Variants in LEO1 observed in about 807,000 individuals in gnomAD.
The protein encoded by LEO1 is LEO1 component of Paf1/RNA polymerase II complex.
LEO1 carries 34 observed loss-of-function variants against 80.4 expected under a neutral mutation model. That is an observed-to-expected ratio of 0.42 (90% confidence interval 0.32 to 0.56). The LOEUF (loss-of-function observed/expected upper bound fraction) is 0.56, where lower values mean the gene tolerates loss of function less well. LEO1 is among the 20% of genes least tolerant of loss of function. The pLI is 0.10. For missense variants in LEO1, 631 were observed against 814.2 expected (o/e 0.77, Z 2.74); for synonymous variants, 262 against 274.9 (o/e 0.95, Z 0.46).
intron 5 of LEO1, 51 bp from the exon 6 acceptor site, chr15:51,958,877 T>C: frequency 1.1e-6 from 1 of 921,690 alleles, no homozygotes. Flanking sequence ...TAAAGAATAT[T>C]ACTGCTATGT....
rs1414303704 is a variant in LEO1, at chr15:51,953,194, A to G, written c.1410T>C (p.His470=). The change falls in exon 8 of 12, where the codon CAT becomes CAC. Residue 470 remains histidine, a synonymous_variant. Coordinates refer to ENST00000299601, the MANE Select transcript of LEO1 (RefSeq NM_138792.4). ...GACCAGTACCTTGTCTTATAAAAAG[A>G]TGATTGTGGTCGCCCTGCAGTGGGG... ...YKAPLQGDHN[H]LFIRQGTGLQ... The G allele has an allele frequency of 6.2e-7, 1 of 1,613,998 alleles. No homozygotes were observed. The highest frequency in any genetic ancestry group is 8.5e-7 in the Non-Finnish European group (1 of 1,179,902).
Position 51,958,732 on chromosome 15 carries a change from G to A in LEO1, c.1245+10C>T. On this transcript the variant is annotated intron_variant, in intron 6 of 11. Coordinates refer to ENST00000299601, the MANE Select transcript of LEO1 (RefSeq NM_138792.4). Reference sequence around the variant, plus strand: ...TAAAAGAAAAAAAAGGAAAAAGCATGAAATGGTACCTTTAATTTTAACCTG... The same window carrying A: ...TAAAAGAAAAAAAAGGAAAAAGCATAAAATGGTACCTTTAATTTTAACCTG... 1 of 1,525,826 alleles carries A rather than the reference G, an allele frequency of 6.6e-7. No homozygotes were observed. The highest frequency in any genetic ancestry group is 8.9e-7 in the Non-Finnish European group (1 of 1,118,160). The allele number at this position is 1,525,826 out of a possible 1,614,324, so 94.5% of individuals were successfully genotyped here. A position where few individuals can be genotyped will look rare whatever the true frequency, so the allele number is the denominator to read the frequency against.
Position 51,938,165 on chromosome 15 carries a change from ATCT to A in LEO1, c.1989_1991del (p.Glu663del), listed in dbSNP as rs756439498. ...TTTCATATTTCATACTTCAATCATC[ATCT>A]TCTTCCTCTTCATCGCTGATCACAT... On this transcript the variant is annotated inframe_deletion, in exon 12 of 12. Coordinates refer to ENST00000299601, the MANE Select transcript of LEO1 (RefSeq NM_138792.4). 20 of 1,551,148 alleles carry A rather than the reference ATCT, an allele frequency of 1.3e-5. No homozygotes were observed. Among genetic ancestry groups the A allele is most frequent in the East Asian group, 4.5e-5 (2 of 44,552 alleles).
intron 7 of LEO1, 57 bp from the exon 8 acceptor site, chr15:51,953,320 A>T (rs1263310154): frequency 6.3e-7 from 1 of 1,583,134 alleles, no homozygotes; most frequent in African/African-American, 1.3e-5. Flanking sequence ...CTACCATCTT[A>T]CTTCACTTAA....
In LEO1 at chr15:51,966,437, T is replaced by C. The variant is rs772169128; in HGVS notation, c.126A>G (p.Gly42=). 6 of 1,614,024 alleles carry C rather than the reference T, an allele frequency of 3.7e-6. No homozygotes were observed. Among genetic ancestry groups the C allele is most frequent in the Non-Finnish European group, 5.1e-6 (6 of 1,179,962 alleles). The change falls in exon 2 of 12, where the codon GGA becomes GGG. Residue 42 remains glycine (G), a synonymous_variant. Transcript: ENST00000299601. ...CTCTTTCATCCTGATCACTTTCACT[T>C]CCAGAGGCATTACTGCCAGAGGCAG... The part of the protein sequence containing the change: ...ENAASGSNAS[G]SESDQDERGD...
At chr15:51,960,139 T>C in intron 4 of LEO1, 95 bp from the exon 5 acceptor site, 1 of 974,700 alleles carries the variant, frequency 1.0e-6, no homozygotes, top group South Asian at 1.6e-5. Context: ...GCAAGAAACA[T>C]AATTAGATAT....
At chr15:51,970,950 C>A (rs78807499) in intron 1 of LEO1, among the ~76,000 whole-genome samples, 2,300 of 152,250 alleles carry the variant, frequency 0.015, 67 homozygotes, top group East Asian at 0.073. Flanking sequence ...GACCCTGTCT[C>A]TAAAAAAGTA....
intron 10 of LEO1, among the ~76,000 whole-genome samples, chr15:51,947,662 C>T (rs1004608830): frequency 1.4e-5 from 2 of 147,432 alleles, no homozygotes; most frequent in African/African-American, 5.2e-5. Flanking sequence ...TAAAATCAAG[C>T]GATCCTCCTT....
At chr15:51,963,207 C>T (rs2057045451) in intron 2 of LEO1, among the ~76,000 whole-genome samples, 1 of 152,098 alleles carries the variant, frequency 6.6e-6, no homozygotes, top group South Asian at 2.1e-4. Flanking sequence ...ACCTGGGAGA[C>T]TGATGGTGCA....
intron 11 of LEO1, among the ~76,000 whole-genome samples, chr15:51,945,262 C>CAAGAAAAAAAAAA (rs2056889566): frequency 1.2e-5 from 1 of 80,394 alleles, no homozygotes; most frequent in African/African-American, 4.9e-5. Flanking sequence ...ACAAAAAATA[C>CAAGAAAAAAAAAA]AAAAAAAAAA....
intron 6 of LEO1, among the ~76,000 whole-genome samples, chr15:51,955,645 A>G (rs1470518075): frequency 6.6e-6 from 1 of 152,254 alleles, no homozygotes. Context: ...ACAGAAGCCA[A>G]CAATGTGAAA....
chr15:51,951,308 A>T lies in LEO1; in HGVS notation c.1611+536T>A, dbSNP rs149839841. Among the ~76,000 whole-genome samples, 35 of 152,390 alleles carry T rather than the reference A, an allele frequency of 2.3e-4. 1 individual carries two copies. Among genetic ancestry groups the T allele is most frequent in the Non-Finnish European group, 4.3e-4 (29 of 68,034 alleles). On this transcript the variant is annotated intron_variant, in intron 9 of 11. Transcript: ENST00000299601. ...AAAGGCCAATAGCCAATATGAGCAC[A>T]TGCTCTATCGATTAGGTACAATGCC...
chr15:51,960,558 C>G, intron 4 of LEO1, 81 bp downstream of exon 4: 1 of 783,568 alleles, frequency 1.3e-6, no homozygotes, highest in Non-Finnish European at 2.2e-6. Flanking sequence ...TATCAACTTC[C>G]TTTCCTGGAA....
At position 51,960,694 on chromosome 15, in the gene LEO1, T is replaced by C. The variant is rs2057023146; in HGVS notation, c.959A>G (p.Asp320Gly). ...TTCTCCATCACTCCCTGAAGAGATA[T>C]CATCTGCACCTCCAAATAAATCCAT... is the stretch of plus-strand genomic sequence containing the variant. ...GTMDLFGGAD[D>G]ISSGSDGEDK... The change falls in exon 4 of 12, where the codon GAT (aspartate) becomes GGT (glycine). Residue 320 changes from aspartate (D) to glycine (G), a missense_variant. By Grantham distance (94) the Asp-to-Gly change is moderately conservative. This residue lies in a region of LEO1 where 394 missense variants were observed against 395.6 expected (regional missense o/e 1.00). Transcript: ENST00000299601. 1.9e-6 allele frequency: 3 copies of C among 1,611,824 alleles called. No individual in the cohort carries two copies. Among genetic ancestry groups the C allele is most frequent in the Non-Finnish European group, 2.5e-6 (3 of 1,177,866 alleles).
chr15:51,962,362 T>C (rs778722693), intron 3 of LEO1, 27 bp downstream of exon 3: 4 of 1,391,074 alleles, frequency 2.9e-6, no homozygotes, highest in Non-Finnish European at 3.0e-6. Context: ...TATGGAAATA[T>C]ACATATATAT....
chr15:51,966,027 G>A lies in LEO1; in HGVS notation c.536C>T (p.Ser179Phe), dbSNP rs751911413. Reference sequence around the variant, plus strand: ...GTTCTGCATTTTCTCATCATCGTCAGAATTCTGCAGCTTATCTTCATCAGA... The same window carrying A: ...GTTCTGCATTTTCTCATCATCGTCAAAATTCTGCAGCTTATCTTCATCAGA... ...QGSDEDKLQNSDDDEKMQNTD... is the reference protein window; with the variant it reads ...QGSDEDKLQNFDDDEKMQNTD... The change falls in exon 2 of 12, where the codon TCT becomes TTT. Residue 179 changes from serine (S) to phenylalanine (F), a missense_variant. Coordinates refer to ENST00000299601, the MANE Select transcript of LEO1 (RefSeq NM_138792.4). The A allele has an allele frequency of 6.2e-7, 1 of 1,614,046 alleles. No individual in the cohort carries two copies. Among genetic ancestry groups the A allele is most frequent in the Non-Finnish European group, 8.5e-7 (1 of 1,180,010 alleles).
intron 5 of LEO1, 109 bp downstream of exon 5, chr15:51,959,790 G>A (rs1595941925): frequency 2.4e-5 from 25 of 1,024,646 alleles, no homozygotes; most frequent in African/African-American, 3.3e-5. Flanking sequence ...AGAGATACAC[G>A]ATCAATTTTC....
At chr15:51,943,824 AG>A (rs1221068841) in intron 11 of LEO1, among the ~76,000 whole-genome samples, 6 of 151,460 alleles carry the variant, frequency 4.0e-5, no homozygotes, top group Non-Finnish European at 8.8e-5. Context: ...TTACACTGAA[AG>A]GGTAACTGAA....
intron 6 of LEO1, 125 bp downstream of exon 6, chr15:51,958,617 A>G (rs952037425): frequency 1.6e-6 from 1 of 639,258 alleles, no homozygotes; most frequent in Non-Finnish European, 2.8e-6. Flanking sequence ...AAAAGCAATC[A>G]AAAGAACACA....
Sources: gnomAD v4.1 joint callset for allele counts (sites outside exome capture counted in the v4.1 genomes callset) on GRCh38, gnomAD v4.1.1 for gene constraint, gnomAD v4.1.1 regional missense constraint, MANE v1.5 for transcripts, NCBI Gene and HGNC (gene_info 2026-07-23, HGNC 2026-07-21) for gene names.